Variants in ZNRF2 observed in about 807,000 individuals in gnomAD.
ZNRF2 encodes E3 ubiquitin-protein ligase ZNRF2.
Under a neutral mutation model 20.4 loss-of-function variants are expected in ZNRF2, and 16 were observed. That is an observed-to-expected ratio of 0.79 (90% CI 0.53 to 1.19). The LOEUF is 1.19. Ranked by LOEUF, ZNRF2 falls within the 50% of genes most tolerant of loss-of-function variation. The pLI is 0.00. For synonymous variants in ZNRF2, 178 were observed against 144.9 expected, an observed-to-expected ratio of 1.23 and a Z score of -1.64; for missense variants, 363 against 332.4, an observed-to-expected ratio of 1.09 and a Z score of -0.72.
Position 30,311,099 on chromosome 7 carries a change from G to T in ZNRF2, c.470-12543G>T, listed in dbSNP as rs139209540. Among the ~76,000 whole-genome samples the T allele has an allele frequency of 3.0e-3, 450 of 152,156 alleles. 6 individuals carry two copies. The highest frequency in any genetic ancestry group is 0.01 in the African/African-American group (431 of 41,528). On this transcript the variant is annotated intron_variant, in intron 1 of 4. Coordinates refer to ENST00000323037, the MANE Select transcript of ZNRF2 (RefSeq NM_147128.4). ...ATTCTTCTGACCAGTCTACTGCTGC[G>T]GTACTCTCTGCGCTGTATGTAAGCC... is the stretch of plus-strand genomic sequence containing the variant.
At chr7:30,364,911 T>C (rs1800185457) in intron 4 of ZNRF2, among the ~76,000 whole-genome samples, 2 of 152,178 alleles carry the variant, frequency 1.3e-5, no homozygotes, top group Non-Finnish European at 2.9e-5. Context: ...CCAGTAGATC[T>C]GGTGTCTGAT....
intron 1 of ZNRF2, among the ~76,000 whole-genome samples, chr7:30,317,797 T>A (rs2128061851): frequency 6.6e-6 from 1 of 152,138 alleles, no homozygotes; most frequent in South Asian, 2.1e-4. Flanking sequence ...ACAGAGAGAG[T>A]GTAGGTTCCT....
chr7:30,293,948 C>T (rs556600775), intron 1 of ZNRF2, among the ~76,000 whole-genome samples: 1 of 151,864 alleles, frequency 6.6e-6, no homozygotes, highest in East Asian at 1.9e-4. Flanking sequence ...TATATGTGAG[C>T]TGAGGAAAAA....
At chr7:30,328,145 C>T (rs2127948228) in intron 2 of ZNRF2, among the ~76,000 whole-genome samples, 2 of 152,184 alleles carry the variant, frequency 1.3e-5, no homozygotes, top group Admixed American at 1.3e-4. Context: ...AGTCAGACCC[C>T]CCCCAAAATG....
At chr7:30,300,001 G>A (rs982246607) in intron 1 of ZNRF2, among the ~76,000 whole-genome samples, 1 of 151,956 alleles carries the variant, frequency 6.6e-6, no homozygotes, top group South Asian at 2.1e-4. Flanking sequence ...AGCCAGGATG[G>A]TCTTGATCTC....
intron 1 of ZNRF2, among the ~76,000 whole-genome samples, chr7:30,310,067 GA>G (rs1799268899): frequency 1.3e-5 from 2 of 152,232 alleles, no homozygotes; most frequent in South Asian, 4.1e-4. Flanking sequence ...CATAGTCCAG[GA>G]AAAAATAACA....
At chr7:30,326,138 A>AT (rs1476349825) in intron 2 of ZNRF2, among the ~76,000 whole-genome samples, 2 of 152,006 alleles carry the variant, frequency 1.3e-5, no homozygotes, top group East Asian at 1.9e-4. Flanking sequence ...ATATTTAACA[A>AT]TTTTTTTAAC....
intron 1 of ZNRF2, among the ~76,000 whole-genome samples, chr7:30,286,810 A>G (rs1798798418): frequency 6.6e-6 from 1 of 152,236 alleles, no homozygotes; most frequent in African/African-American, 2.4e-5. Context: ...TGTATCTGGT[A>G]TTAGAAAAAT....
chr7:30,362,799 G>C (rs1028123075), intron 4 of ZNRF2, among the ~76,000 whole-genome samples: 1 of 151,922 alleles, frequency 6.6e-6, no homozygotes, highest in Non-Finnish European at 1.5e-5. Flanking sequence ...CCTGTAATCC[G>C]AGCTACTCGG....
intron 2 of ZNRF2, among the ~76,000 whole-genome samples, chr7:30,354,301 C>A (rs892939515): frequency 6.6e-5 from 10 of 152,208 alleles, no homozygotes; most frequent in South Asian, 6.2e-4. Flanking sequence ...CAGTAGTTAG[C>A]TCAAATCACT....
chr7:30,301,446 G>A (rs761487559), intron 1 of ZNRF2, among the ~76,000 whole-genome samples: 1 of 152,112 alleles, frequency 6.6e-6, no homozygotes, highest in African/African-American at 2.4e-5. Flanking sequence ...TCACGCCACT[G>A]CACTCCATCC....
In ZNRF2 at chr7:30,323,671, G is replaced by A. The variant is rs756452477; in HGVS notation, c.499G>A (p.Val167Ile). The change falls in exon 2 of 5, where the codon GTA becomes ATA. Residue 167 changes from valine (V) to isoleucine (I), a missense_variant. Around this residue, in one of 2 missense-constraint regions of ZNRF2, gnomAD observed 61 missense variants for 100.9 expected, o/e 0.60. Coordinates refer to ENST00000323037, the MANE Select transcript of ZNRF2 (RefSeq NM_147128.4). ...TAAGTGCCCTGTATGCTCAAAATTT[G>A]TATCCTCAGATGAAATGGATTTGCA... ...GFKCPVCSKFVSSDEMDLHLV... is the reference protein window; with the variant it reads ...GFKCPVCSKFISSDEMDLHLV... The A allele has an allele frequency of 1.9e-6, 3 of 1,599,448 alleles. No individual in the cohort carries two copies. The highest frequency in any genetic ancestry group is 2.6e-6 in the Non-Finnish European group (3 of 1,174,734).
At chr7:30,290,052 T>C (rs545378273) in intron 1 of ZNRF2, among the ~76,000 whole-genome samples, 108 of 152,332 alleles carry the variant, frequency 7.1e-4, no homozygotes, top group African/African-American at 2.5e-3. Flanking sequence ...GTATTATGTA[T>C]AATTGGGTAT....
At chr7:30,297,194 TATG>T (rs2128056706) in intron 1 of ZNRF2, among the ~76,000 whole-genome samples, 1 of 152,372 alleles carries the variant, frequency 6.6e-6, no homozygotes, top group East Asian at 1.9e-4. Context: ...AGATTATTCA[TATG>T]ATGAGTATTG....
intron 1 of ZNRF2, among the ~76,000 whole-genome samples, chr7:30,313,241 C>T (rs1473564700): frequency 5.9e-5 from 9 of 152,116 alleles, no homozygotes; most frequent in African/African-American, 1.7e-4. Flanking sequence ...TAAGCCAATG[C>T]GTATAAACAG....
At chr7:30,307,249 T>C (rs1022124002) in intron 1 of ZNRF2, among the ~76,000 whole-genome samples, 31 of 151,660 alleles carry the variant, frequency 2.0e-4, no homozygotes, top group Non-Finnish European at 3.8e-4. Flanking sequence ...ATGGCATCCA[T>C]TGTTTGTGTG....
intron 2 of ZNRF2, among the ~76,000 whole-genome samples, chr7:30,332,326 T>C (rs1239214252): frequency 2.0e-5 from 3 of 152,210 alleles, no homozygotes; most frequent in African/African-American, 7.2e-5. Flanking sequence ...AATATTACTC[T>C]TGACTTTGAG....
chr7:30,348,135 G>A (rs940752158), intron 2 of ZNRF2, among the ~76,000 whole-genome samples: 4 of 144,828 alleles, frequency 2.8e-5, no homozygotes, highest in Non-Finnish European at 5.9e-5. Flanking sequence ...TGGCTGACAC[G>A]CACTTCCTGT....
At chr7:30,338,074 A>G (rs1344680669) in intron 2 of ZNRF2, among the ~76,000 whole-genome samples, 4 of 152,264 alleles carry the variant, frequency 2.6e-5, no homozygotes, top group Non-Finnish European at 1.5e-5. Flanking sequence ...CAATTGCCTT[A>G]TATTTCATAG....
Sources: allele counts gnomAD v4.1 joint callset (sites outside exome capture counted in the v4.1 genomes callset), GRCh38; gene constraint gnomAD v4.1.1; regional missense constraint gnomAD v4.1.1; transcripts MANE v1.5; gene names NCBI Gene and HGNC (gene_info 2026-07-23, HGNC 2026-07-21).